The following ST6GALNAC3 variants were observed in gnomAD, a reference collection of about 807,000 sequenced individuals.
ST6GALNAC3 encodes the protein ST6 N-acetylgalactosaminide alpha-2,6-sialyltransferase 3.
A neutral mutation model predicts 32.7 loss-of-function variants in ST6GALNAC3; 25 were observed. The observed-to-expected ratio is 0.76, with a 90% CI of 0.56 to 1.07. The LOEUF is 1.07. Among genes scored for constraint, ST6GALNAC3 ranks in the 50% least tolerant of loss-of-function variants. ST6GALNAC3 has a pLI of 0.00. For synonymous variants in ST6GALNAC3, 129 were observed against 133.1 expected, an observed-to-expected ratio of 0.97 and a Z score of 0.21; for missense variants, 355 against 382.4, an observed-to-expected ratio of 0.93 and a Z score of 0.60.
chr1:76,315,216 T>C (rs973070175), intron 2 of ST6GALNAC3, among the ~76,000 whole-genome samples: 1 of 152,158 alleles, frequency 6.6e-6, no homozygotes, highest in African/African-American at 2.4e-5. Flanking sequence ...TGATTACCTA[T>C]ATAAAAATGT....
Position 76,412,195 on chromosome 1 carries a change from C to T in ST6GALNAC3, c.401C>T (p.Pro134Leu). 1 of 1,613,676 alleles carries T rather than the reference C, an allele frequency of 6.2e-7. No individual in the cohort carries two copies. The highest frequency in any genetic ancestry group is 8.5e-7 in the Non-Finnish European group (1 of 1,179,798). Residue 134 changes from proline (P) to leucine (L), a missense_variant, in exon 3 of 5, where the codon CCT becomes CTT. Transcript: ENST00000328299. The stretch of plus-strand genomic sequence containing the variant: ...CGAGTTGTGTCCCATACCAGCGTTC[C>T]TCTTTTGCTAAAAAACCCTGATTAT... ...MIRVVSHTSV[P>L]LLLKNPDYFF...
chr1:76,152,683 A>C (rs539045666), intron 1 of ST6GALNAC3, among the ~76,000 whole-genome samples: 1 of 152,348 alleles, frequency 6.6e-6, no homozygotes, highest in East Asian at 1.9e-4. Flanking sequence ...AACCGTAAAC[A>C]TTTAAATAGA....
At chr1:76,116,671 C>T (rs1006760747) in intron 1 of ST6GALNAC3, among the ~76,000 whole-genome samples, 1 of 152,098 alleles carries the variant, frequency 6.6e-6, no homozygotes, top group Non-Finnish European at 1.5e-5. Context: ...TGGCTCACAC[C>T]TGTAATCCCA....
At chr1:76,486,589 G>C (rs1191277565) in intron 3 of ST6GALNAC3, among the ~76,000 whole-genome samples, 1 of 151,830 alleles carries the variant, frequency 6.6e-6, no homozygotes, top group Non-Finnish European at 1.5e-5. Flanking sequence ...TAGATCTTCT[G>C]CCATCCCTTT....
intron 2 of ST6GALNAC3, among the ~76,000 whole-genome samples, chr1:76,408,236 C>A (rs35172229): frequency 0.038 from 5,789 of 152,038 alleles, 156 homozygotes; most frequent in Non-Finnish European, 0.059. Context: ...TAAAATAGAG[C>A]AATTATCATG....
chr1:76,463,498 C>T (rs565803242), intron 3 of ST6GALNAC3, among the ~76,000 whole-genome samples: 1 of 152,144 alleles, frequency 6.6e-6, no homozygotes, highest in Non-Finnish European at 1.5e-5. Flanking sequence ...ATCGGTTGAG[C>T]AGCAAATTGA....
At chr1:76,609,885 C>T (rs2100662574) in intron 3 of ST6GALNAC3, among the ~76,000 whole-genome samples, 1 of 152,198 alleles carries the variant, frequency 6.6e-6, no homozygotes, top group African/African-American at 2.4e-5. Flanking sequence ...TTAAATCATC[C>T]TTGCACTCCT....
chr1:76,225,024 A>G (rs1655988082), intron 1 of ST6GALNAC3, among the ~76,000 whole-genome samples: 1 of 152,058 alleles, frequency 6.6e-6, no homozygotes, highest in Non-Finnish European at 1.5e-5. Context: ...GTGGATTGGG[A>G]ACACGAATTG....
At chr1:76,230,971 C>T (rs981285005) in intron 1 of ST6GALNAC3, among the ~76,000 whole-genome samples, 2 of 152,188 alleles carry the variant, frequency 1.3e-5, no homozygotes, top group African/African-American at 2.4e-5. Flanking sequence ...CTGTCTGCCC[C>T]ACCTCCTTCT....
chr1:76,566,380 C>A (rs1665555667), intron 3 of ST6GALNAC3, among the ~76,000 whole-genome samples: 1 of 152,164 alleles, frequency 6.6e-6, no homozygotes, highest in South Asian at 2.1e-4. Flanking sequence ...AATCTTCCTT[C>A]CAAATGTAAG....
chr1:76,093,986 T>C (rs940524278), intron 1 of ST6GALNAC3, among the ~76,000 whole-genome samples: 1 of 152,240 alleles, frequency 6.6e-6, no homozygotes, highest in African/African-American at 2.4e-5. Flanking sequence ...GTTTTACTTC[T>C]GTTAATCTGT....
chr1:76,152,087 A>C (rs1185850547), intron 1 of ST6GALNAC3, among the ~76,000 whole-genome samples: 1 of 152,168 alleles, frequency 6.6e-6, no homozygotes, highest in African/African-American at 2.4e-5. Flanking sequence ...TGGAGTGAAA[A>C]ATTGTCAAAA....
chr1:76,475,272 A>G (rs1484229441), intron 3 of ST6GALNAC3, among the ~76,000 whole-genome samples: 1 of 152,152 alleles, frequency 6.6e-6, no homozygotes, highest in East Asian at 1.9e-4. Flanking sequence ...GCAAGAACTG[A>G]GTTTAGGTCC....
intron 1 of ST6GALNAC3, among the ~76,000 whole-genome samples, chr1:76,279,444 T>C (rs957490884): frequency 1.3e-5 from 2 of 152,206 alleles, no homozygotes; most frequent in Non-Finnish European, 2.9e-5. Flanking sequence ...GAAGACACAG[T>C]TATTATCAAT....
chr1:76,414,708 T>C (rs1442451790), intron 3 of ST6GALNAC3, among the ~76,000 whole-genome samples: 1 of 152,036 alleles, frequency 6.6e-6, no homozygotes, highest in Non-Finnish European at 1.5e-5. Context: ...CTACACACTT[T>C]CTCTCTCACC....
At chr1:76,344,454 A>G (rs952291725) in intron 2 of ST6GALNAC3, among the ~76,000 whole-genome samples, 1 of 152,120 alleles carries the variant, frequency 6.6e-6, no homozygotes, top group Non-Finnish European at 1.5e-5. Flanking sequence ...TAAATATATG[A>G]CATACTTTTT....
intron 1 of ST6GALNAC3, among the ~76,000 whole-genome samples, chr1:76,274,217 T>C (rs148860454): frequency 1.3e-5 from 2 of 152,326 alleles, no homozygotes; most frequent in African/African-American, 4.8e-5. Flanking sequence ...TTATATATGA[T>C]TATATATAAG....
intron 2 of ST6GALNAC3, among the ~76,000 whole-genome samples, chr1:76,333,561 A>G (rs758407484): frequency 1.9e-4 from 29 of 152,260 alleles, no homozygotes; most frequent in Non-Finnish European, 2.8e-4. Context: ...TATATTCATC[A>G]TTATTCATTT....
At chr1:76,155,269 AC>A (rs1441758031) in intron 1 of ST6GALNAC3, among the ~76,000 whole-genome samples, 1 of 151,530 alleles carries the variant, frequency 6.6e-6, no homozygotes, top group African/African-American at 2.4e-5. Context: ...TTGCCCCCCG[AC>A]CCCCGTCTCC....
Sources: allele counts gnomAD v4.1 joint callset (sites outside exome capture counted in the v4.1 genomes callset), GRCh38; gene constraint gnomAD v4.1.1; transcripts MANE v1.5; gene names NCBI Gene and HGNC (gene_info 2026-07-23, HGNC 2026-07-21).